Variants in NLGN4X observed in about 807,000 individuals in gnomAD.
NLGN4X encodes the protein neuroligin-4, X-linked.
Under a neutral mutation model 40.3 loss-of-function variants are expected in NLGN4X, and 3 were observed. The ratio of observed to expected loss-of-function variants is 0.07; its 90% confidence interval spans 0.03 to 0.19. The LOEUF is 0.19. NLGN4X is among the 10% of genes least tolerant of loss of function. NLGN4X has a pLI of 1.00. For synonymous variants in NLGN4X, 270 were observed against 306.8 expected (o/e 0.88, Z 1.25); for missense variants, 382 against 708.3 (o/e 0.54, Z 5.23).
chrX:6,065,638 G>C (rs891739443), intron 2 of NLGN4X, among the ~76,000 whole-genome samples: 2 of 111,068 alleles, frequency 1.8e-5, no homozygotes, highest in African/African-American at 6.5e-5. Context: ...CAGTGTGATA[G>C]AAGTGCAATG....
At chrX:6,158,268 CAGAT>C (rs761421991) in intron 1 of NLGN4X, among the ~76,000 whole-genome samples, 5 of 111,463 alleles carry the variant, frequency 4.5e-5, no homozygotes, top group Non-Finnish European at 9.4e-5. Flanking sequence ...AGAATATAGT[CAGAT>C]AGACATCTTA....
chrX:6,046,964 C>T (rs58144591), intron 2 of NLGN4X, among the ~76,000 whole-genome samples: 49,381 of 106,142 alleles, frequency 0.47, 8,390 homozygotes, highest in Middle Eastern at 0.65. Context: ...CTAATGCTTA[C>T]ATTATATATA....
At chrX:6,147,318 A>G in intron 2 of NLGN4X, among the ~76,000 whole-genome samples, 2 of 111,658 alleles carry the variant, frequency 1.8e-5, no homozygotes, top group East Asian at 5.7e-4. Flanking sequence ...TTTCTCCTCC[A>G]AGCTTTATAT....
chrX:5,946,050 C>T (rs2034111133), intron 3 of NLGN4X, among the ~76,000 whole-genome samples: 1 of 111,540 alleles, frequency 9.0e-6, no homozygotes, highest in African/African-American at 3.3e-5. Context: ...ACTTTGTGCT[C>T]ATCAGTATTA....
chrX:5,988,934 G>A (rs1182909139), intron 3 of NLGN4X, among the ~76,000 whole-genome samples: 1 of 110,470 alleles, frequency 9.1e-6, no homozygotes, highest in East Asian at 2.8e-4. Context: ...TGGGCGTGGT[G>A]GCACGTGCCT....
chrX:6,183,502 G>A lies in NLGN4X; in HGVS notation c.-305-31731C>T, dbSNP rs182893151. ...GCGGAGTTTGCAGTGAGCGGAGATC[G>A]CGCCACTGCACTCCAGCCTGGACGA... On this transcript the variant is annotated intron_variant, in intron 1 of 5. Transcript: ENST00000381095. Among the ~76,000 whole-genome samples, 66 of 109,565 alleles carry A rather than the reference G, an allele frequency of 6.0e-4. No individual in the cohort carries two copies. In the East Asian group the frequency reaches 0.015, roughly 24 times the overall value.
rs1601840441 is a variant in NLGN4X, at chrX:5,893,607, A to G, written c.1661T>C (p.Phe554Ser). ...TKFIHTKPNR[F>S]EEVAWSKYNP... ...ATACTTGGACCAGGCCACTTCTTCA[A>G]AGCGGTTGGGTTTTGTGTGAATGAA... Residue 554 changes from phenylalanine to serine, a missense_variant, in exon 6 of 6, where the codon TTT (phenylalanine) becomes TCT (serine). Around this residue, in one of 5 missense-constraint regions of NLGN4X, gnomAD observed 149 missense variants for 375.8 expected, o/e 0.40. Transcript: ENST00000381095. 1 of 1,211,653 alleles carries G rather than the reference A, an allele frequency of 8.3e-7. No homozygotes were observed. The highest frequency in any genetic ancestry group is 1.1e-6 in the Non-Finnish European group (1 of 895,469).
intron 1 of NLGN4X, among the ~76,000 whole-genome samples, chrX:6,176,960 A>T (rs1920963203): frequency 8.9e-6 from 1 of 112,091 alleles, no homozygotes; most frequent in African/African-American, 3.2e-5. Flanking sequence ...CTAGCACAGA[A>T]GAAACGCTAC....
chrX:6,154,762 G>T (rs1164929946), intron 1 of NLGN4X, among the ~76,000 whole-genome samples: 1 of 111,792 alleles, frequency 8.9e-6, no homozygotes, highest in Non-Finnish European at 1.9e-5. Flanking sequence ...TGTATTCTCT[G>T]CAAAGACTGC....
At chrX:6,170,645 C>A (rs1452437966) in intron 1 of NLGN4X, among the ~76,000 whole-genome samples, 4 of 112,392 alleles carry the variant, frequency 3.6e-5, no homozygotes, top group African/African-American at 1.3e-4. Context: ...CAACATACAA[C>A]ATCCCATGAC....
intron 2 of NLGN4X, among the ~76,000 whole-genome samples, chrX:6,082,021 C>T (rs964415070): frequency 8.9e-6 from 1 of 112,126 alleles, no homozygotes; most frequent in Admixed American, 9.5e-5. Context: ...GTTAAATTCT[C>T]AACACTTAAA....
At chrX:6,161,555 T>C (rs1297400840) in intron 1 of NLGN4X, among the ~76,000 whole-genome samples, 2 of 105,506 alleles carry the variant, frequency 1.9e-5, no homozygotes, top group African/African-American at 3.4e-5. Flanking sequence ...GCTTGGTTAT[T>C]TGGAGAAATA....
At chrX:6,070,773 G>A (rs2038041549) in intron 2 of NLGN4X, among the ~76,000 whole-genome samples, 1 of 111,571 alleles carries the variant, frequency 9.0e-6, no homozygotes, top group Non-Finnish European at 1.9e-5. Context: ...AAGGTGGCGG[G>A]ATGGAAGCAA....
chrX:6,055,810 T>C (rs146114162), intron 2 of NLGN4X, among the ~76,000 whole-genome samples: 4,719 of 111,543 alleles, frequency 0.042, 219 homozygotes, highest in African/African-American at 0.13. Flanking sequence ...TTTAATTAAA[T>C]TGTGTAGAAT....
At chrX:5,958,353 T>C (rs1345252712) in intron 3 of NLGN4X, among the ~76,000 whole-genome samples, 2 of 111,906 alleles carry the variant, frequency 1.8e-5, no homozygotes, top group African/African-American at 6.5e-5. Flanking sequence ...AAAAAATCTG[T>C]CATTAAGTGG....
intron 3 of NLGN4X, among the ~76,000 whole-genome samples, chrX:5,974,510 A>C (rs746970855): frequency 1.8e-5 from 2 of 111,873 alleles, no homozygotes; most frequent in African/African-American, 3.3e-5. Flanking sequence ...TGACTGACAT[A>C]ATGAAAAATT....
chrX:5,925,824 CCATATATATATATATATATACATACA>C (rs1401852436), intron 3 of NLGN4X, among the ~76,000 whole-genome samples: 2,827 of 61,995 alleles, frequency 0.046, 247 homozygotes, highest in African/African-American at 0.16. Context: ...ATGAATCCCA[CCATATATATATATATATATACATACA>C]CATATATATA....
rs371043183 is a variant in NLGN4X at position 6,048,810 on chromosome X, C to A, written c.473-19378G>T. 2.7e-4 allele frequency among the ~76,000 whole-genome samples: 27 copies of A among 99,355 alleles called. 3 individuals are homozygous for A. Among genetic ancestry groups the A allele is most frequent in the East Asian group, 2.5e-3 (8 of 3,160 alleles). 86.3% of individuals were successfully genotyped at this position (99,355 alleles called of 115,157 possible). On this transcript the variant is annotated intron_variant, in intron 2 of 5. Transcript: ENST00000381095. ...GCTGAACAATTGGAACACATGGACA[C>A]AGGGAGGGAAACAACACACACTAGG...
chrX:6,071,192 T>C (rs2038055687), intron 2 of NLGN4X, among the ~76,000 whole-genome samples: 1 of 111,569 alleles, frequency 9.0e-6, no homozygotes, highest in South Asian at 3.7e-4. Context: ...GACTTACCCA[T>C]ATGAAACAGT....
Sources: gnomAD v4.1 joint callset for allele counts (sites outside exome capture counted in the v4.1 genomes callset) on GRCh38, gnomAD v4.1.1 for gene constraint, gnomAD v4.1.1 regional missense constraint, MANE v1.5 for transcripts, NCBI Gene and HGNC (gene_info 2026-07-23, HGNC 2026-07-21) for gene names.